Variants in PDE6A observed in about 807,000 individuals in gnomAD.
PDE6A encodes the protein phosphodiesterase 6A.
In PDE6A, 84 loss-of-function variants were observed where a neutral mutation model predicts 106.3. That is an observed-to-expected ratio of 0.79 (90% CI 0.66 to 0.95). PDE6A has a LOEUF of 0.95. PDE6A is among the 40% of genes least tolerant of loss of function. PDE6A has a pLI of 0.00. For synonymous variants in PDE6A, 394 were observed against 386.6 expected (o/e 1.02, Z -0.23); for missense variants, 1,052 against 1,084.9 (o/e 0.97, Z 0.43).
chr5:149,883,401 A>T (rs1761003083), intron 17 of PDE6A, 28 bp downstream of exon 17: 1 of 1,423,844 alleles, frequency 7.0e-7, no homozygotes, highest in Admixed American at 1.7e-5. Flanking sequence ...GCCTAAGAGG[A>T]TCAGGTTTTA....
At chr5:149,878,861 C>T (rs1373239860) in intron 17 of PDE6A, among the ~76,000 whole-genome samples, 1 of 152,130 alleles carries the variant, frequency 6.6e-6, no homozygotes, top group East Asian at 1.9e-4. Context: ...ACACTTTATT[C>T]ACTGAGGAAA....
chr5:149,895,117 G>T, intron 13 of PDE6A, 66 bp downstream of exon 13: 1 of 895,272 alleles, frequency 1.1e-6, no homozygotes, highest in Non-Finnish European at 1.9e-6. Context: ...CTACCATGTA[G>T]AGTCTGCATG....
At chr5:149,897,411 G>T (rs1315933503) in intron 10 of PDE6A, among the ~76,000 whole-genome samples, 1 of 152,182 alleles carries the variant, frequency 6.6e-6, no homozygotes, top group Non-Finnish European at 1.5e-5. Flanking sequence ...CCGATAGGTT[G>T]CACATACCCA....
At chr5:149,921,175 G>T (rs1753707733) in intron 5 of PDE6A, among the ~76,000 whole-genome samples, 1 of 152,078 alleles carries the variant, frequency 6.6e-6, no homozygotes, top group Non-Finnish European at 1.5e-5. Flanking sequence ...ACCTTTCTGG[G>T]TCTCTTTCCA....
At chr5:149,894,687 A>C (rs1260552576) in intron 13 of PDE6A, among the ~76,000 whole-genome samples, 1 of 133,198 alleles carries the variant, frequency 7.5e-6, no homozygotes, top group Non-Finnish European at 1.5e-5. Context: ...GCTGGAGTGC[A>C]GTGGCGCGAT....
chr5:149,943,210 G>A (rs1363473439), intron 1 of PDE6A, among the ~76,000 whole-genome samples: 1 of 152,116 alleles, frequency 6.6e-6, no homozygotes, highest in Admixed American at 6.6e-5. Context: ...CTGGAGAATG[G>A]CGATGACTTT....
chr5:149,860,655 T>TG lies in PDE6A; in HGVS notation c.*239_*240insC. The TG allele has an allele frequency of 2.4e-6, 1 of 411,674 alleles. No individual in the cohort carries two copies. Among genetic ancestry groups the TG allele is most frequent in the Non-Finnish European group, 4.3e-6 (1 of 232,004 alleles). 25.5% of individuals were successfully genotyped at this position (411,674 alleles called of 1,614,324 possible). On this transcript the variant is annotated 3_prime_UTR_variant, in exon 22 of 22. Coordinates refer to ENST00000255266, the MANE Select transcript of PDE6A (RefSeq NM_000440.3). ...TTATGAAATTTTTTTTTTTGGCGAT[T>TG]TTTTTTTTTAAGTTCAACAGCTATC...
In PDE6A at chr5:149,899,496, A is replaced by T. The variant is rs766883024; in HGVS notation, c.1142T>A (p.Met381Lys). 7.4e-6 allele frequency: 12 copies of T among 1,614,164 alleles called. 1 individual carries two copies. The South Asian group carries it at 1.3e-4, about 18-fold the overall frequency. The stretch of plus-strand genomic sequence containing the variant: ...CGGCATTGAAAGCACATTTTTAATC[A>T]TCCATCCAGACTCATCCAGAGGTTC... ...QKEPLDESGW[M>K]IKNVLSMPIV... The change falls in exon 9 of 22, where the codon ATG becomes AAG. Residue 381 changes from methionine (M) to lysine (K), a missense_variant. Met to Lys is a moderately conservative substitution (Grantham distance 95, BLOSUM62 -1). This residue lies in a region of PDE6A where 913 missense variants were observed against 915.2 expected (regional missense o/e 1.00). Transcript: ENST00000255266.
At chr5:149,938,584 G>A (rs1376654407) in intron 1 of PDE6A, among the ~76,000 whole-genome samples, 1 of 152,210 alleles carries the variant, frequency 6.6e-6, no homozygotes, top group African/African-American at 2.4e-5. Flanking sequence ...CCTGCCAGGA[G>A]AAAGGGCAAA....
At chr5:149,899,892 C>A (rs559055230) in intron 8 of PDE6A, among the ~76,000 whole-genome samples, 1 of 152,108 alleles carries the variant, frequency 6.6e-6, no homozygotes, top group African/African-American at 2.4e-5. Flanking sequence ...ATTCTTGTAA[C>A]GTTGAATTAA....
intron 9 of PDE6A, 36 bp from the exon 10 acceptor site, chr5:149,898,542 C>T (rs774380027): frequency 1.9e-6 from 3 of 1,595,988 alleles, no homozygotes; most frequent in East Asian, 2.2e-5. Flanking sequence ...AGAGACAGAA[C>T]ACCTAAGTTT....
At chr5:149,861,147 C>G (rs1320899833) in intron 21 of PDE6A, among the ~76,000 whole-genome samples, 176 bp from the exon 22 acceptor site, 1 of 152,194 alleles carries the variant, frequency 6.6e-6, no homozygotes. Flanking sequence ...GAACATTTCT[C>G]TAAGAAAAAT....
chr5:149,900,766 T>C (rs952464531), intron 8 of PDE6A, among the ~76,000 whole-genome samples: 1 of 152,118 alleles, frequency 6.6e-6, no homozygotes, highest in Non-Finnish European at 1.5e-5. Flanking sequence ...CAGGTTTGTA[T>C]TGAACTCAGA....
At chr5:149,939,619 A>G (rs1260989816) in intron 1 of PDE6A, among the ~76,000 whole-genome samples, 1 of 152,158 alleles carries the variant, frequency 6.6e-6, no homozygotes, top group Non-Finnish European at 1.5e-5. Flanking sequence ...TGCTGATGAG[A>G]TAATTCATTC....
rs370998958 is a variant in PDE6A, at chr5:149,906,482, C to T, written c.1065+830G>A. On this transcript the variant is annotated intron_variant, in intron 7 of 21. Coordinates refer to ENST00000255266, the MANE Select transcript of PDE6A (RefSeq NM_000440.3). ...CGGAGGTTGCAATGAGCCAAATTCT[C>T]ACCACTGCATTCCAGCCTGGGCAAC... Among the ~76,000 whole-genome samples, 7 of 127,532 alleles carry T rather than the reference C, an allele frequency of 5.5e-5. 2 individuals are homozygous for T. The highest frequency in any genetic ancestry group is 2.2e-4 in the East Asian group (1 of 4,452). 83.7% of individuals were successfully genotyped at this position (127,532 alleles called of 152,430 possible).
chr5:149,866,344 C>G (rs1176668158), intron 19 of PDE6A, 91 bp from the exon 20 acceptor site: 1 of 924,608 alleles, frequency 1.1e-6, no homozygotes, highest in Non-Finnish European at 1.8e-6. Context: ...AAACTGTAAA[C>G]TCATCATGTT....
Position 149,884,868 on chromosome 5 carries a change from C to T in PDE6A, c.1839-1G>A. On this transcript the variant is annotated splice_acceptor_variant, in intron 14 of 21. Coordinates refer to ENST00000255266, the MANE Select transcript of PDE6A (RefSeq NM_000440.3). LOFTEE classifies it high-confidence loss of function. ...GAGCTTGGCCAGTGGGTTCTGGGAT[C>T]TGAATGAGAAAGAGAGAGAATCAAT... is the stretch of plus-strand genomic sequence containing the variant. 4.3e-6 allele frequency: 7 copies of T among 1,611,216 alleles called. No individual in the cohort carries two copies. The highest frequency in any genetic ancestry group is 5.9e-6 in the Non-Finnish European group (7 of 1,177,382).
chr5:149,896,900 ATT>A, intron 10 of PDE6A, 124 bp from the exon 11 acceptor site: 1 of 1,061,918 alleles, frequency 9.4e-7, no homozygotes, highest in East Asian at 2.4e-5. Flanking sequence ...AGAGGATTCC[ATT>A]TAACATCCAT....
At chr5:149,861,564 C>T (rs1022611993) in intron 21 of PDE6A, among the ~76,000 whole-genome samples, 6 of 152,070 alleles carry the variant, frequency 3.9e-5, no homozygotes, top group Non-Finnish European at 8.8e-5. Context: ...GTGGGAGGAT[C>T]GCTTGAGGCC....
Sources: allele counts gnomAD v4.1 joint callset (sites outside exome capture counted in the v4.1 genomes callset), GRCh38; gene constraint gnomAD v4.1.1; regional missense constraint gnomAD v4.1.1; transcripts MANE v1.5; gene names NCBI Gene and HGNC (gene_info 2026-07-23, HGNC 2026-07-21).